Variants in ACACB observed in about 807,000 individuals in gnomAD.
The protein encoded by ACACB is acetyl-CoA carboxylase beta, also known as acetyl-CoA carboxylase 2.
In ACACB, 209 loss-of-function variants were observed where a neutral mutation model predicts 278.8. That is an observed-to-expected ratio of 0.75 (90% CI 0.67 to 0.84). The LOEUF is 0.84. Ranked by LOEUF, ACACB falls within the 40% of genes least tolerant of loss-of-function variation. The pLI, the probability that ACACB is intolerant of heterozygous loss-of-function variation, is 0.00. For synonymous variants in ACACB, 1,174 were observed against 1,285.6 expected (o/e 0.91, Z 1.86); for missense variants, 2,850 against 3,269.0 (o/e 0.87, Z 3.13).
intron 2 of ACACB, among the ~76,000 whole-genome samples, chr12:109,152,506 T>C (rs569176838): frequency 1.8e-4 from 28 of 152,222 alleles, no homozygotes; most frequent in African/African-American, 6.7e-4. Flanking sequence ...TTATTTAATA[T>C]ATGGTCAGGG....
intron 2 of ACACB, among the ~76,000 whole-genome samples, chr12:109,143,624 C>T (rs994633697): frequency 6.6e-6 from 1 of 152,114 alleles, no homozygotes; most frequent in Non-Finnish European, 1.5e-5. Context: ...AGGGGCAATG[C>T]GGGTGGTTCT....
chr12:109,191,732 G>T lies in ACACB; in HGVS notation c.2264G>T (p.Trp755Leu). ...CAGAACAACGACATCGACACCGGGT[G>T]GTTGGACTACCTCATTGCTGAGAAA... ...SFQNNDIDTGWLDYLIAEKVQ... is the reference protein window; with the variant it reads ...SFQNNDIDTGLLDYLIAEKVQ... The change falls in exon 14 of 53, where the codon TGG (tryptophan) becomes TTG (leucine). Residue 755 changes from tryptophan (W) to leucine (L), a missense_variant. Trp to Leu is a moderately conservative substitution (Grantham distance 61). Transcript: ENST00000338432. 1 of 1,614,192 alleles carries T rather than the reference G, an allele frequency of 6.2e-7. No homozygotes were observed. Among genetic ancestry groups the T allele is most frequent in the Non-Finnish European group, 8.5e-7 (1 of 1,180,040 alleles).
chr12:109,201,639 G>A lies in ACACB; in HGVS notation c.2851G>A (p.Val951Met). 5 of 1,614,164 alleles carry A rather than the reference G, an allele frequency of 3.1e-6. No individual in the cohort carries two copies. The highest frequency in any genetic ancestry group is 2.2e-5 in the East Asian group (1 of 44,876). ...GAAGTACATCAAGCGTCCAGGTGCC[G>A]TGCTGGAAGCAGGCTGCGTGGTGGC... ...RVKYIKRPGA[V>M]LEAGCVVARL... The change falls in exon 19 of 53, where the codon GTG becomes ATG. Residue 951 changes from valine (V) to methionine (M), a missense_variant. Physicochemically the swap from Val to Met is conservative, Grantham distance 21. Around this residue, in one of 3 missense-constraint regions of ACACB, gnomAD observed 2,265 missense variants for 2,561.3 expected, o/e 0.88. Coordinates refer to ENST00000338432, the MANE Select transcript of ACACB (RefSeq NM_001093.4).
chr12:109,164,105 G>C (rs2043822121), intron 2 of ACACB, among the ~76,000 whole-genome samples: 1 of 152,186 alleles, frequency 6.6e-6, no homozygotes, highest in South Asian at 2.1e-4. Flanking sequence ...GCTCCTATAA[G>C]CATCTGGATA....
At chr12:109,222,378 T>C in intron 24 of ACACB, 129 bp from the exon 25 acceptor site, 1 of 760,946 alleles carries the variant, frequency 1.3e-6, no homozygotes, top group Non-Finnish European at 2.3e-6. Context: ...TAACAGGCTG[T>C]GCTGGGCCTG....
intron 4 of ACACB, among the ~76,000 whole-genome samples, chr12:109,171,504 C>T (rs2044114221): frequency 6.6e-6 from 1 of 152,120 alleles, no homozygotes. Flanking sequence ...TGCCCACCAC[C>T]ACGCCTGGCT....
At chr12:109,221,024 C>T (rs1165210782) in intron 24 of ACACB, among the ~76,000 whole-genome samples, 1 of 152,154 alleles carries the variant, frequency 6.6e-6, no homozygotes, top group Non-Finnish European at 1.5e-5. Context: ...CTGGCCAGCA[C>T]CTGTGCTGTC....
chr12:109,201,783 C>T (rs1453736200), intron 19 of ACACB, 82 bp downstream of exon 19: 4 of 1,545,008 alleles, frequency 2.6e-6, no homozygotes, highest in East Asian at 2.3e-5. Flanking sequence ...CAGGTGGACT[C>T]AAGGCTGGTA....
chr12:109,204,734 A>G (rs2045445966), intron 19 of ACACB, among the ~76,000 whole-genome samples: 1 of 152,150 alleles, frequency 6.6e-6, no homozygotes, highest in Non-Finnish European at 1.5e-5. Context: ...CCCACATATG[A>G]GTGAGAACAT....
At chr12:109,167,732 T>C (rs2043966567) in intron 3 of ACACB, among the ~76,000 whole-genome samples, 164 bp from the exon 4 acceptor site, 1 of 149,274 alleles carries the variant, frequency 6.7e-6, no homozygotes, top group East Asian at 2.0e-4. Flanking sequence ...GCTCCTGCTC[T>C]GTGCTGGGGT....
At chr12:109,245,524 C>T (rs1275706336) in intron 37 of ACACB, 102 bp from the exon 38 acceptor site, 15 of 1,276,842 alleles carry the variant, frequency 1.2e-5, no homozygotes, top group Non-Finnish European at 1.5e-5. Flanking sequence ...GAGTGAACTA[C>T]AGAATTCACC....
chr12:109,259,867 C>G (rs970879255), intron 47 of ACACB, among the ~76,000 whole-genome samples: 4 of 152,102 alleles, frequency 2.6e-5, no homozygotes, highest in Admixed American at 2.6e-4. Flanking sequence ...GAGGACAGAG[C>G]TGGATGGGAG....
intron 2 of ACACB, among the ~76,000 whole-genome samples, chr12:109,152,316 A>T (rs1226060762): frequency 6.6e-6 from 1 of 152,172 alleles, no homozygotes; most frequent in Non-Finnish European, 1.5e-5. Flanking sequence ...GGTTACATTT[A>T]CACTGGGGAT....
At chr12:109,188,792 G>T (rs1439277725) in intron 13 of ACACB, among the ~76,000 whole-genome samples, 1 of 152,144 alleles carries the variant, frequency 6.6e-6, no homozygotes, top group East Asian at 1.9e-4. Flanking sequence ...TAGCTTGAAG[G>T]AGATCTAAAG....
In ACACB at chr12:109,209,153, T is replaced by A. The variant is rs201282494; in HGVS notation, c.3061-12T>A. 1.0e-5 allele frequency: 16 copies of A among 1,583,066 alleles called. No individual in the cohort carries two copies. In the Admixed American group the frequency reaches 1.8e-4, roughly 18 times the overall value. ...GCAGGGCTGGGGGCTGATGCTGTGG[T>A]CCCCGCTTCAGCTGAAGGAGTGGGT... On this transcript the variant is annotated splice_polypyrimidine_tract_variant and intron_variant, in intron 20 of 52. Coordinates refer to ENST00000338432, the MANE Select transcript of ACACB (RefSeq NM_001093.4).
chr12:109,251,689 A>C (rs528469419), intron 41 of ACACB, among the ~76,000 whole-genome samples: 5 of 152,282 alleles, frequency 3.3e-5, no homozygotes, highest in South Asian at 2.1e-4. Flanking sequence ...GAATTTCACC[A>C]GTTTTTACAT....
intron 27 of ACACB, among the ~76,000 whole-genome samples, chr12:109,224,800 T>C (rs1176378912): frequency 6.6e-6 from 1 of 151,968 alleles, no homozygotes; most frequent in East Asian, 1.9e-4. Flanking sequence ...CCAATAAATC[T>C]GCTGCCCTTT....
chr12:109,149,927 G>A (rs6606691), intron 2 of ACACB, among the ~76,000 whole-genome samples: 96,683 of 152,068 alleles, frequency 0.64, 32,860 homozygotes, highest in Middle Eastern at 0.86. Context: ...CTGAGGCTGG[G>A]GGCTGGTGTG....
At chr12:109,228,050 AG>A (rs1345350791) in intron 28 of ACACB, among the ~76,000 whole-genome samples, 1 of 150,284 alleles carries the variant, frequency 6.7e-6, no homozygotes, top group African/African-American at 2.5e-5. Context: ...AAAAAAAAAA[AG>A]AGGCCAAACA....
Sources: allele counts gnomAD v4.1 joint callset (sites outside exome capture counted in the v4.1 genomes callset), GRCh38; gene constraint gnomAD v4.1.1; regional missense constraint gnomAD v4.1.1; transcripts MANE v1.5; gene names NCBI Gene and HGNC (gene_info 2026-07-23, HGNC 2026-07-21).